THRAP3: variants seen among roughly 807,000 people sequenced by gnomAD.
THRAP3 encodes the protein thyroid hormone receptor associated protein 3.
Under a neutral mutation model 101.0 loss-of-function variants are expected in THRAP3, and 16 were observed. That is an observed-to-expected ratio of 0.16 (90% CI 0.11 to 0.24). THRAP3 has a LOEUF of 0.24. Ranked by LOEUF, THRAP3 falls within the 10% of genes least tolerant of loss-of-function variation. The probability of loss-of-function intolerance (pLI) is 1.00; values close to 1 mark genes in which losing one functional copy is unlikely to be tolerated. For synonymous variants in THRAP3, 407 were observed against 422.6 expected (o/e 0.96, Z 0.45); for missense variants, 989 against 1,202.7 (o/e 0.82, Z 2.63).
At chr1:36,220,972 A>AAAAAAAAATATATATAT (rs1285765741), upstream of THRAP3, among the ~76,000 whole-genome samples, 1 of 94,146 alleles carries the variant, frequency 1.1e-5, no homozygotes, top group African/African-American at 4.7e-5. Flanking sequence ...AAAAAAAAAA[A>AAAAAAAAATATATATAT]ATATATATAT....
At chr1:36,228,329 A>G (rs1434791115) in intron 1 of THRAP3, among the ~76,000 whole-genome samples, 1 of 151,848 alleles carries the variant, frequency 6.6e-6, no homozygotes, top group Non-Finnish European at 1.5e-5. Context: ...GCGATTCTCC[A>G]GCCTCAGCAT....
At position 36,296,788 on chromosome 1, in the gene THRAP3, A is replaced by T; in HGVS notation, c.2303+18A>T. The T allele has an allele frequency of 6.4e-7, 1 of 1,562,018 alleles. No individual in the cohort carries two copies. The highest frequency in any genetic ancestry group is 8.6e-7 in the Non-Finnish European group (1 of 1,160,532). Reference sequence around the variant, plus strand: ...AAACAGAAGTACGTAAGCCCCTGTTACCCCTTCCAGACTCTTAAGTTTCTT... The same window carrying T: ...AAACAGAAGTACGTAAGCCCCTGTTTCCCCTTCCAGACTCTTAAGTTTCTT... On this transcript the variant is annotated intron_variant, in intron 9 of 11. Transcript: ENST00000354618.
intron 2 of THRAP3, among the ~76,000 whole-genome samples, chr1:36,275,655 G>T (rs1219020922): frequency 6.7e-6 from 1 of 149,682 alleles, no homozygotes; most frequent in Non-Finnish European, 1.5e-5. Flanking sequence ...TTATTGCCCA[G>T]GCTGGAGTGC....
intron 1 of THRAP3, among the ~76,000 whole-genome samples, chr1:36,232,782 A>G (rs1291076065): frequency 6.6e-6 from 1 of 152,132 alleles, no homozygotes; most frequent in African/African-American, 2.4e-5. Flanking sequence ...TAGATTGCCA[A>G]GGGGCAAGAG....
chr1:36,215,996 G>C, the THRAP3 span, among the ~76,000 whole-genome samples: 1 of 151,864 alleles, frequency 6.6e-6, no homozygotes, highest in Non-Finnish European at 1.5e-5. Flanking sequence ...TGATCCACCC[G>C]CCTCAGCCTC....
In THRAP3 at chr1:36,296,616, C is replaced by G. The variant is rs1645954329; in HGVS notation, c.2149C>G (p.Leu717Val). ...AAAATACAAAGATGATCCTGTTGAT[C>G]TCCGCCTTGATATTGAACGTCGTAA... Reference protein sequence around the residue: ...EGKYKDDPVDLRLDIERRKKH... With the variant: ...EGKYKDDPVDVRLDIERRKKH... Residue 717 changes from leucine to valine, a missense_variant, in exon 9 of 12, where the codon CTC becomes GTC. Coordinates refer to ENST00000354618, the MANE Select transcript of THRAP3 (RefSeq NM_005119.4). 1 of 1,583,178 alleles carries G rather than the reference C, an allele frequency of 6.3e-7. No homozygotes were observed. The highest frequency in any genetic ancestry group is 8.5e-7 in the Non-Finnish European group (1 of 1,170,844).
chr1:36,211,756 G>C, the THRAP3 span, among the ~76,000 whole-genome samples: 5 of 152,176 alleles, frequency 3.3e-5, no homozygotes, highest in African/African-American at 1.2e-4. Flanking sequence ...TTTGCTTCTG[G>C]AAAGCAGAGA....
chr1:36,301,546 G>A lies in THRAP3; in HGVS notation c.2503-7G>A. ...CTTTGTTCTTTTTCCCTCATTTATT[G>A]CAATAGCAGTTTCGAGCCAGAGGAA... On this transcript the variant is annotated splice_polypyrimidine_tract_variant and splice_region_variant and intron_variant, in intron 10 of 11. Coordinates refer to ENST00000354618, the MANE Select transcript of THRAP3 (RefSeq NM_005119.4). 1 of 1,610,420 alleles carries A rather than the reference G, an allele frequency of 6.2e-7. No individual in the cohort carries two copies. The highest frequency in any genetic ancestry group is 8.5e-7 in the Non-Finnish European group (1 of 1,178,750).
At chr1:36,219,036 A>T in the THRAP3 span, among the ~76,000 whole-genome samples, 71 of 101,362 alleles carry the variant, frequency 7.0e-4, no homozygotes, top group African/African-American at 4.4e-3. Flanking sequence ...CCATCTCAAA[A>T]AAAAAAAAAA....
chr1:36,220,970 AAAATATAT>A (rs1431783371), upstream of THRAP3, among the ~76,000 whole-genome samples: 2 of 128,464 alleles, frequency 1.6e-5, no homozygotes, highest in African/African-American at 6.6e-5. Flanking sequence ...AAAAAAAAAA[AAAATATAT>A]ATATATATAT....
At chr1:36,228,858 G>T (rs1027570101) in intron 1 of THRAP3, among the ~76,000 whole-genome samples, 4 of 152,042 alleles carry the variant, frequency 2.6e-5, no homozygotes, top group African/African-American at 9.7e-5. Context: ...ATGTAGGCTG[G>T]GCATGGTGGC....
chr1:36,250,624 C>T (rs1428595826), intron 1 of THRAP3, among the ~76,000 whole-genome samples: 2 of 151,686 alleles, frequency 1.3e-5, no homozygotes, highest in Non-Finnish European at 2.9e-5. Flanking sequence ...AAAAATATAC[C>T]TTAGAGGCTG....
At chr1:36,297,801 T>C (rs1645971930) in intron 9 of THRAP3, among the ~76,000 whole-genome samples, 2 of 151,802 alleles carry the variant, frequency 1.3e-5, no homozygotes, top group South Asian at 4.1e-4. Context: ...TGGTGTGATA[T>C]CCATTTTGCC....
chr1:36,227,629 G>A (rs1389043885), intron 1 of THRAP3, among the ~76,000 whole-genome samples: 1 of 152,144 alleles, frequency 6.6e-6, no homozygotes, highest in Non-Finnish European at 1.5e-5. Context: ...GGTGATTTAT[G>A]TTTTAAAATC....
chr1:36,299,417 G>A (rs187822039), intron 9 of THRAP3, among the ~76,000 whole-genome samples: 3 of 151,776 alleles, frequency 2.0e-5, no homozygotes, highest in Non-Finnish European at 2.9e-5. Flanking sequence ...CCAGCCTGGC[G>A]ACAGAGTGAG....
In THRAP3 at chr1:36,300,146, T is replaced by C. The variant is rs79804814; in HGVS notation, c.2304-740T>C. Among the ~76,000 whole-genome samples, 23 of 152,348 alleles carry C rather than the reference T, an allele frequency of 1.5e-4. No homozygotes were observed. In the East Asian group the frequency reaches 4.4e-3, roughly 29 times the overall value. On this transcript the variant is annotated intron_variant, in intron 9 of 11. Coordinates refer to ENST00000354618, the MANE Select transcript of THRAP3 (RefSeq NM_005119.4). ...TAATGACTCATCGTATTAAGCTAAT[T>C]TGCCCTAGTCTGTAATTTCCCCTAG...
intron 1 of THRAP3, among the ~76,000 whole-genome samples, chr1:36,255,496 C>T (rs528159574): frequency 2.3e-4 from 34 of 150,642 alleles, no homozygotes; most frequent in African/African-American, 6.1e-4. Context: ...AGGCCAGGCG[C>T]GGTGGCTCAT....
chr1:36,244,455 T>C (rs1488958318), intron 1 of THRAP3, among the ~76,000 whole-genome samples: 1 of 152,202 alleles, frequency 6.6e-6, no homozygotes, highest in Admixed American at 6.5e-5. Flanking sequence ...CAAAACTGAA[T>C]TAAAAATTTC....
At chr1:36,244,239 A>G (rs958094575) in intron 1 of THRAP3, among the ~76,000 whole-genome samples, 11 of 152,246 alleles carry the variant, frequency 7.2e-5, no homozygotes, top group Non-Finnish European at 4.4e-5. Context: ...CATAATATGG[A>G]CATTTTGGAT....
Sources: allele counts gnomAD v4.1 joint callset (sites outside exome capture counted in the v4.1 genomes callset), GRCh38; gene constraint gnomAD v4.1.1; transcripts MANE v1.5; gene names NCBI Gene and HGNC (gene_info 2026-07-23, HGNC 2026-07-21).